Variants in EHBP1 observed in about 807,000 individuals in gnomAD.
EHBP1 encodes EH domain-binding protein 1.
In EHBP1, 55 loss-of-function variants were observed where a neutral mutation model predicts 144.0. The observed-to-expected ratio is 0.38, with a 90% CI of 0.31 to 0.48. The LOEUF is 0.48. Ranked by LOEUF, EHBP1 falls within the 20% of genes least tolerant of loss-of-function variation. The probability of loss-of-function intolerance (pLI) is 0.98; values close to 1 mark genes in which losing one functional copy is unlikely to be tolerated. For missense variants in EHBP1, 1,200 were observed against 1,364.2 expected, an observed-to-expected ratio of 0.88 and a Z score of 1.90; for synonymous variants, 469 against 472.7, an observed-to-expected ratio of 0.99 and a Z score of 0.10.
intron 19 of EHBP1, among the ~76,000 whole-genome samples, chr2:63,002,928 G>C (rs1011368288): frequency 1.3e-5 from 2 of 151,924 alleles, no homozygotes; most frequent in African/African-American, 4.8e-5. Flanking sequence ...AAAATGTAGG[G>C]ATCATGTAAC....
intron 10 of EHBP1, among the ~76,000 whole-genome samples, chr2:62,926,966 A>C (rs2055566319): frequency 1.3e-5 from 2 of 152,196 alleles, no homozygotes; most frequent in African/African-American, 4.8e-5. Context: ...TGAATGGTTA[A>C]AGAAAATGTG....
chr2:62,873,542 G>A (rs1457347641), intron 9 of EHBP1, among the ~76,000 whole-genome samples: 3 of 152,050 alleles, frequency 2.0e-5, no homozygotes, highest in African/African-American at 7.2e-5. Context: ...AGAAAATACA[G>A]AAGAGGCTAT....
At chr2:62,705,177 T>A (rs2034423534), upstream of EHBP1, among the ~76,000 whole-genome samples, 1 of 151,840 alleles carries the variant, frequency 6.6e-6, no homozygotes, top group African/African-American at 2.4e-5. Flanking sequence ...ACTGGTGAAA[T>A]AAAGGCTATG....
rs542229998 is a variant in EHBP1, at chr2:62,745,664, G to A, written c.105-1731G>A. ...TGGTGAGTGAAATGCCTTACAAGCC[G>A]TGTTGAGAAACAAGGGTGTCACAGG... On this transcript the variant is annotated intron_variant, in intron 2 of 22. Coordinates refer to ENST00000431489, the MANE Select transcript of EHBP1 (RefSeq NM_001142616.3). Among the ~76,000 whole-genome samples, 17 of 152,132 alleles carry A rather than the reference G, an allele frequency of 1.1e-4. No individual in the cohort carries two copies. The South Asian group carries it at 2.5e-3, about 22-fold the overall frequency.
chr2:62,984,836 C>T (rs1278208211), intron 15 of EHBP1, among the ~76,000 whole-genome samples: 2 of 152,096 alleles, frequency 1.3e-5, no homozygotes, highest in Non-Finnish European at 2.9e-5. Flanking sequence ...GTGTAAATGG[C>T]ACCTGTTTAA....
At chr2:63,037,165 C>T (rs1478459432) in intron 19 of EHBP1, among the ~76,000 whole-genome samples, 3 of 151,834 alleles carry the variant, frequency 2.0e-5, no homozygotes, top group Admixed American at 1.3e-4. Flanking sequence ...TCTTATGAGT[C>T]TCATAATGAT....
chr2:62,757,963 G>C (rs1461437387), intron 3 of EHBP1, among the ~76,000 whole-genome samples: 1 of 149,938 alleles, frequency 6.7e-6, no homozygotes, highest in Non-Finnish European at 1.5e-5. Context: ...AGTGAGCCCA[G>C]ATAGCGCCAC....
intron 19 of EHBP1, among the ~76,000 whole-genome samples, chr2:63,025,928 A>G (rs2060953484): frequency 6.6e-6 from 1 of 152,336 alleles, no homozygotes; most frequent in East Asian, 1.9e-4. Context: ...GGAATGTCTA[A>G]TGGAGGGTTT....
intron 2 of EHBP1, among the ~76,000 whole-genome samples, chr2:62,715,887 TG>T (rs541338526): frequency 2.3e-4 from 35 of 152,334 alleles, no homozygotes; most frequent in African/African-American, 7.9e-4. Context: ...TGGATGTCTT[TG>T]CTACAACAAA....
chr2:62,802,584 TAAAG>T (rs553607188), intron 5 of EHBP1, among the ~76,000 whole-genome samples: 153 of 152,122 alleles, frequency 1.0e-3, no homozygotes, highest in African/African-American at 3.4e-3. Context: ...ATATAAACAA[TAAAG>T]AAACGTATAA....
chr2:63,043,128 A>G (rs574117062), intron 21 of EHBP1, among the ~76,000 whole-genome samples: 12 of 152,144 alleles, frequency 7.9e-5, no homozygotes, highest in Non-Finnish European at 1.5e-4. Context: ...AGACTAGATG[A>G]CCTTTAAGAT....
At chr2:62,974,155 G>A (rs1356134465) in intron 14 of EHBP1, among the ~76,000 whole-genome samples, 1 of 152,054 alleles carries the variant, frequency 6.6e-6, no homozygotes, top group Non-Finnish European at 1.5e-5. Flanking sequence ...AATTTCACTT[G>A]AATGTTAGAC....
At chr2:62,976,808 C>T (rs1467644513) in intron 14 of EHBP1, among the ~76,000 whole-genome samples, 1 of 152,120 alleles carries the variant, frequency 6.6e-6, no homozygotes, top group Non-Finnish European at 1.5e-5. Context: ...GCTTCTCAAA[C>T]CCAGTATGTC....
intron 7 of EHBP1, among the ~76,000 whole-genome samples, chr2:62,842,335 C>G (rs2047960892): frequency 6.6e-6 from 1 of 152,162 alleles, no homozygotes; most frequent in South Asian, 2.1e-4. Flanking sequence ...GATCCGCCCG[C>G]TTTCCTCCCA....
intron 2 of EHBP1, among the ~76,000 whole-genome samples, chr2:62,745,966 T>C (rs932609874): frequency 2.6e-5 from 4 of 152,110 alleles, no homozygotes; most frequent in South Asian, 2.1e-4. Flanking sequence ...AACTGTAAGA[T>C]AGCATTTCTA....
At chr2:62,941,850 A>G (rs1013189983) in intron 10 of EHBP1, among the ~76,000 whole-genome samples, 14 of 152,110 alleles carry the variant, frequency 9.2e-5, no homozygotes, top group African/African-American at 3.4e-4. Flanking sequence ...TTTCAATTGT[A>G]CTAGCCTCTA....
At chr2:62,804,452 A>G (rs1293048920) in intron 5 of EHBP1, among the ~76,000 whole-genome samples, 1 of 152,222 alleles carries the variant, frequency 6.6e-6, no homozygotes, top group Non-Finnish European at 1.5e-5. Flanking sequence ...TGGATGAGAA[A>G]GTTTGTTGAA....
chr2:63,027,099 A>G (rs2061014996), intron 19 of EHBP1, among the ~76,000 whole-genome samples: 1 of 152,232 alleles, frequency 6.6e-6, no homozygotes, highest in South Asian at 2.1e-4. Flanking sequence ...GGTGGCTCAC[A>G]AGACAAACTG....
At chr2:62,764,685 A>T (rs970832522) in intron 4 of EHBP1, among the ~76,000 whole-genome samples, 1 of 152,124 alleles carries the variant, frequency 6.6e-6, no homozygotes, top group Non-Finnish European at 1.5e-5. Flanking sequence ...CTTGACCTTC[A>T]TTTTGTTAGC....
Sources: allele counts gnomAD v4.1 joint callset (sites outside exome capture counted in the v4.1 genomes callset), GRCh38; gene constraint gnomAD v4.1.1; transcripts MANE v1.5; gene names NCBI Gene and HGNC (gene_info 2026-07-23, HGNC 2026-07-21).